The following SMCHD1 variants were observed in gnomAD, a reference collection of about 807,000 sequenced individuals.
SMCHD1 encodes structural maintenance of chromosomes flexible hinge domain-containing protein 1.
A neutral mutation model predicts 254.7 loss-of-function variants in SMCHD1; 78 were observed. The observed-to-expected ratio is 0.31, with a 90% CI of 0.26 to 0.37. SMCHD1 has a LOEUF of 0.37. Among genes scored for constraint, SMCHD1 ranks in the 10% least tolerant of loss-of-function variants. The pLI is 1.00. For synonymous variants in SMCHD1, 766 were observed against 794.9 expected (o/e 0.96, Z 0.61); for missense variants, 1,840 against 2,408.1 (o/e 0.76, Z 4.94).
At chr18:2,714,000 C>T (rs1309317940) in intron 17 of SMCHD1, among the ~76,000 whole-genome samples, 1 of 152,182 alleles carries the variant, frequency 6.6e-6, no homozygotes, top group African/African-American at 2.4e-5. Flanking sequence ...TAAATGTTTG[C>T]TTAGGTCCAT....
intron 5 of SMCHD1, among the ~76,000 whole-genome samples, chr18:2,686,242 A>G (rs1233617317): frequency 6.6e-6 from 1 of 152,208 alleles, no homozygotes; most frequent in Non-Finnish European, 1.5e-5. Context: ...GAAATGCTCC[A>G]GAATCCAAAA....
intron 44 of SMCHD1, among the ~76,000 whole-genome samples, chr18:2,782,360 ACTGT>A (rs1209116465): frequency 6.6e-6 from 1 of 152,170 alleles, no homozygotes; most frequent in Non-Finnish European, 1.5e-5. Flanking sequence ...GGAGAGCCAA[ACTGT>A]CTGTCCTTCT....
intron 19 of SMCHD1, 75 bp from the exon 20 acceptor site, chr18:2,722,444 G>C (rs960492407): frequency 1.7e-6 from 2 of 1,202,748 alleles, no homozygotes; most frequent in African/African-American, 3.1e-5. Flanking sequence ...AGATAGAAAT[G>C]GATCTGTTTT....
At position 2,803,238 on chromosome 18, in the gene SMCHD1, T is replaced by G. The variant is rs544099470; in HGVS notation, c.*686T>G. 1 of 148,018 alleles carries G rather than the reference T, an allele frequency of 6.8e-6. No individual in the cohort carries two copies. Among genetic ancestry groups the G allele is most frequent in the Non-Finnish European group, 1.5e-5 (1 of 67,174 alleles). The allele number at this position is 148,018 out of a possible 1,614,324, so 9.2% of individuals were successfully genotyped here. On this transcript the variant is annotated 3_prime_UTR_variant, in exon 48 of 48. Coordinates refer to ENST00000320876, the MANE Select transcript of SMCHD1 (RefSeq NM_015295.3). ...TATATAAATATATATATATAAAATA[T>G]TCAGCAGCACCAAGTTTTATAACTA... is the stretch of plus-strand genomic sequence containing the variant.
intron 19 of SMCHD1, among the ~76,000 whole-genome samples, chr18:2,719,448 C>G (rs2074876565): frequency 6.6e-6 from 1 of 151,776 alleles, no homozygotes; most frequent in Admixed American, 6.6e-5. Context: ...AGGTGCCCAC[C>G]ACCACACCTG....
At chr18:2,748,369 T>G (rs2143602953) in intron 30 of SMCHD1, among the ~76,000 whole-genome samples, 1 of 41,396 alleles carries the variant, frequency 2.4e-5, no homozygotes, top group African/African-American at 8.2e-5. Context: ...TGTGTGTGTG[T>G]GTGTGTGTGT....
At chr18:2,730,308 C>T (rs2075112618) in intron 24 of SMCHD1, among the ~76,000 whole-genome samples, 1 of 152,074 alleles carries the variant, frequency 6.6e-6, no homozygotes, top group Admixed American at 6.6e-5. Flanking sequence ...GTAGCTGGGA[C>T]TACAGGCACC....
intron 1 of SMCHD1, among the ~76,000 whole-genome samples, chr18:2,656,792 G>A (rs1173321920): frequency 1.3e-5 from 2 of 152,114 alleles, no homozygotes; most frequent in African/African-American, 2.4e-5. Flanking sequence ...TTCTGGGGCG[G>A]GGCGGCGGGG....
intron 28 of SMCHD1, 32 bp from the exon 29 acceptor site, chr18:2,743,729 C>A: frequency 6.5e-7 from 1 of 1,535,350 alleles, no homozygotes; most frequent in Non-Finnish European, 8.9e-7. Context: ...AGTGATACCC[C>A]CTGTCTTTCT....
intron 41 of SMCHD1, among the ~76,000 whole-genome samples, chr18:2,774,804 T>C (rs1216591141): frequency 6.6e-6 from 1 of 152,248 alleles, no homozygotes; most frequent in East Asian, 1.9e-4. Flanking sequence ...ACCACCATCC[T>C]AGCACAATGA....
intron 25 of SMCHD1, among the ~76,000 whole-genome samples, chr18:2,732,848 A>C (rs776313998): frequency 2.8e-4 from 42 of 152,228 alleles, no homozygotes; most frequent in Non-Finnish European, 5.9e-4. Flanking sequence ...AGCACTAAAC[A>C]AAAGATCTGT....
chr18:2,772,462 A>G, intron 41 of SMCHD1, 90 bp downstream of exon 41: 1 of 1,127,492 alleles, frequency 8.9e-7, no homozygotes, highest in East Asian at 2.9e-5. Flanking sequence ...AAAAAGTGTC[A>G]GGTTCTTTGT....
intron 17 of SMCHD1, among the ~76,000 whole-genome samples, chr18:2,711,923 C>T (rs1418275575): frequency 2.6e-5 from 4 of 152,148 alleles, no homozygotes; most frequent in African/African-American, 9.7e-5. Flanking sequence ...TTAAAAAGAA[C>T]CTGGCACCTC....
At chr18:2,672,879 A>G (rs566093210) in intron 3 of SMCHD1, among the ~76,000 whole-genome samples, 1 of 152,342 alleles carries the variant, frequency 6.6e-6, no homozygotes, top group Admixed American at 6.5e-5. Flanking sequence ...GACACTTATT[A>G]TCACTTCATA....
intron 12 of SMCHD1, among the ~76,000 whole-genome samples, chr18:2,702,930 A>C (rs1246718092): frequency 1.3e-5 from 2 of 152,176 alleles, no homozygotes; most frequent in Non-Finnish European, 2.9e-5. Flanking sequence ...TTACCTCCTC[A>C]TTGCCCTAGA....
At chr18:2,801,416 CTT>C (rs1050178759) in intron 47 of SMCHD1, among the ~76,000 whole-genome samples, 2 of 152,192 alleles carry the variant, frequency 1.3e-5, no homozygotes, top group Non-Finnish European at 2.9e-5. Context: ...TGGACTGCGA[CTT>C]TCTCCTCTTT....
chr18:2,761,289 G>A (rs1184430136), intron 35 of SMCHD1, among the ~76,000 whole-genome samples: 1 of 152,158 alleles, frequency 6.6e-6, no homozygotes, highest in Non-Finnish European at 1.5e-5. Flanking sequence ...GTGGGCAAGA[G>A]TTGAAAAACT....
Position 2,747,667 on chromosome 18 carries a change from A to T in SMCHD1, c.3927+20A>T. The T allele has an allele frequency of 6.6e-7, 1 of 1,507,994 alleles. No homozygotes were observed. Among genetic ancestry groups the T allele is most frequent in the East Asian group, 2.4e-5 (1 of 41,970 alleles). 93.4% of individuals were successfully genotyped at this position (1,507,994 alleles called of 1,614,324 possible). On this transcript the variant is annotated intron_variant, in intron 30 of 47. Transcript: ENST00000320876. ...TTAAAGGTAAGTTTTAAACTTCCTT[A>T]CATCTTCATTTAAAATTCTGGATTT...
intron 45 of SMCHD1, among the ~76,000 whole-genome samples, chr18:2,788,698 C>T (rs2076275625): frequency 6.6e-6 from 1 of 151,982 alleles, no homozygotes. Flanking sequence ...CTCCCAGGTT[C>T]AAGTGATTCT....
Sources: gnomAD v4.1 joint callset for allele counts (sites outside exome capture counted in the v4.1 genomes callset) on GRCh38, gnomAD v4.1.1 for gene constraint, MANE v1.5 for transcripts, NCBI Gene and HGNC (gene_info 2026-07-23, HGNC 2026-07-21) for gene names.